Variants in OSBPL10 observed in about 807,000 individuals in gnomAD.
The protein encoded by OSBPL10 is oxysterol binding protein like 10.
A neutral mutation model predicts 81.7 loss-of-function variants in OSBPL10; 49 were observed. The observed-to-expected ratio is 0.60, with a 90% confidence interval of 0.48 to 0.76. OSBPL10 has a LOEUF of 0.76. OSBPL10 is among the 30% of genes least tolerant of loss of function. OSBPL10 has a pLI of 0.00. For missense variants in OSBPL10, 923 were observed against 987.8 expected (o/e 0.93, Z 0.88); for synonymous variants, 419 against 383.6 (o/e 1.09, Z -1.08).
intron 3 of OSBPL10, among the ~76,000 whole-genome samples, chr3:31,869,621 G>A (rs1177955674): frequency 6.6e-6 from 1 of 152,126 alleles, no homozygotes; most frequent in African/African-American, 2.4e-5. Context: ...CAAGGGGATG[G>A]GGGTGAACCT....
At chr3:31,960,360 T>A (rs1368062400) in intron 1 of OSBPL10, 1 of 152,174 alleles carries the variant, frequency 6.6e-6, no homozygotes, top group Non-Finnish European at 1.5e-5. Context: ...AGTAATACAA[T>A]GTGAAATGAA....
At chr3:32,038,292 A>G (rs188687699) in intron 2 of OSBPL10, among the ~76,000 whole-genome samples, 8 of 152,350 alleles carry the variant, frequency 5.3e-5, no homozygotes, top group Admixed American at 2.0e-4. Context: ...ACAGGATTCC[A>G]TTTATAATGA....
At chr3:31,685,615 C>A (rs550917051) in intron 7 of OSBPL10, among the ~76,000 whole-genome samples, 1 of 152,340 alleles carries the variant, frequency 6.6e-6, no homozygotes, top group East Asian at 1.9e-4. Context: ...GCAGGGAACA[C>A]ACCGGGTTCC....
chr3:32,022,838 A>G (rs886098697), intron 2 of OSBPL10, among the ~76,000 whole-genome samples: 3 of 152,154 alleles, frequency 2.0e-5, no homozygotes, highest in Non-Finnish European at 4.4e-5. Context: ...ATTTGGGATC[A>G]GCAGAAAAGA....
intron 4 of OSBPL10, among the ~76,000 whole-genome samples, chr3:31,773,936 G>A (rs1182400841): frequency 6.6e-6 from 1 of 152,132 alleles, no homozygotes; most frequent in Non-Finnish European, 1.5e-5. Context: ...GGCCGAGGTG[G>A]GTGGATCACG....
intron 5 of OSBPL10, among the ~76,000 whole-genome samples, chr3:31,745,828 ATTACCCACACACAATC>A (rs1417801484): frequency 6.6e-6 from 1 of 152,232 alleles, no homozygotes. Context: ...AGAAAACCAA[ATTACCCACACACAATC>A]TACTCTGAAA....
At chr3:31,788,663 A>C (rs1698923461) in intron 4 of OSBPL10, among the ~76,000 whole-genome samples, 1 of 152,180 alleles carries the variant, frequency 6.6e-6, no homozygotes, top group Non-Finnish European at 1.5e-5. Context: ...CTGTAGTTCC[A>C]GCTACTTAGG....
chr3:31,911,056 C>T (rs1018778738), intron 1 of OSBPL10, among the ~76,000 whole-genome samples: 5 of 152,096 alleles, frequency 3.3e-5, no homozygotes, highest in African/African-American at 9.7e-5. Context: ...ATATTAAATG[C>T]GACACCCACA....
intron 1 of OSBPL10, among the ~76,000 whole-genome samples, chr3:31,891,030 G>A (rs772899579): frequency 6.6e-6 from 1 of 151,980 alleles, no homozygotes; most frequent in African/African-American, 2.4e-5. Flanking sequence ...CTGTCCTGTG[G>A]AGGCCAGGAG....
chr3:31,692,008 A>G (rs1156352861), intron 7 of OSBPL10, among the ~76,000 whole-genome samples: 2 of 152,166 alleles, frequency 1.3e-5, no homozygotes, highest in African/African-American at 2.4e-5. Context: ...CACCCATTTC[A>G]TGGTGCCTGA....
In OSBPL10 at chr3:31,663,199, G is replaced by A. The variant is rs190856235; in HGVS notation, c.2250+880C>T. 8.2e-5 allele frequency: 81 copies of A among 985,338 alleles called. No homozygotes were observed. The African/African-American group carries it at 1.3e-3, about 15-fold the overall frequency. The allele number at this position is 985,338 out of a possible 1,614,324, so 61.0% of individuals were successfully genotyped here. A position where few individuals can be genotyped will look rare whatever the true frequency, so the allele number is the denominator to read the frequency against. ...TAAGGAAAGCCCACAGATACATTTT[G>A]ATTGCCTACTGGTATTTAAATTTTT... On this transcript the variant is annotated intron_variant, in intron 11 of 11. Transcript: ENST00000396556.
chr3:32,071,150 A>G (rs1172680882), intron 1 of OSBPL10, among the ~76,000 whole-genome samples: 5 of 152,060 alleles, frequency 3.3e-5, no homozygotes, highest in Admixed American at 3.3e-4. Context: ...CAAAGCTCAA[A>G]TTTCTTCTCT....
chr3:31,946,414 A>C (rs1697705334), intron 1 of OSBPL10, among the ~76,000 whole-genome samples: 1 of 151,980 alleles, frequency 6.6e-6, no homozygotes, highest in Non-Finnish European at 1.5e-5. Context: ...AAAAAAAAAA[A>C]AAACCCTTGT....
chr3:31,674,650 C>G (rs1385034607), intron 8 of OSBPL10, among the ~76,000 whole-genome samples: 1 of 152,066 alleles, frequency 6.6e-6, no homozygotes, highest in African/African-American at 2.4e-5. Context: ...CGACACCTCC[C>G]CCACCTTGCT....
chr3:32,000,572 A>C (rs1699135134), intron 2 of OSBPL10, among the ~76,000 whole-genome samples: 1 of 152,204 alleles, frequency 6.6e-6, no homozygotes, highest in African/African-American at 2.4e-5. Context: ...ACACTCTAAA[A>C]GCATTTCTAT....
intron 4 of OSBPL10, among the ~76,000 whole-genome samples, chr3:31,813,030 T>C (rs1317350278): frequency 3.9e-5 from 6 of 152,168 alleles, no homozygotes; most frequent in Non-Finnish European, 8.8e-5. Context: ...GTGTTTTACA[T>C]CGAAATCTCT....
intron 2 of OSBPL10, among the ~76,000 whole-genome samples, chr3:31,993,989 T>C (rs1167834838): frequency 6.6e-6 from 1 of 152,138 alleles, no homozygotes; most frequent in Non-Finnish European, 1.5e-5. Flanking sequence ...AACTGGGGAA[T>C]GAATTAAAAA....
In OSBPL10 at chr3:31,910,141, C is replaced by T. The variant is rs546568440; in HGVS notation, c.282-30311G>A. On this transcript the variant is annotated intron_variant, in intron 1 of 11. Coordinates refer to ENST00000396556, the MANE Select transcript of OSBPL10 (RefSeq NM_017784.5). ...GGACTGCAGGAACACGCCACCATGCCCAACTAATTTTGTATTTTTAGTAGA... is the reference window on the plus strand; with the variant it reads ...GGACTGCAGGAACACGCCACCATGCTCAACTAATTTTGTATTTTTAGTAGA... Among the ~76,000 whole-genome samples, 7 of 152,048 alleles carry T rather than the reference C, an allele frequency of 4.6e-5. No individual in the cohort carries two copies. In the South Asian group the frequency reaches 1.0e-3, roughly 23 times the overall value.
chr3:31,693,093 T>C (rs941397684), intron 7 of OSBPL10, among the ~76,000 whole-genome samples: 6 of 152,158 alleles, frequency 3.9e-5, no homozygotes, highest in Non-Finnish European at 7.3e-5. Flanking sequence ...GACAGTATAC[T>C]GAAAACCAGA....
Sources: allele counts gnomAD v4.1 joint callset (sites outside exome capture counted in the v4.1 genomes callset), GRCh38; gene constraint gnomAD v4.1.1; transcripts MANE v1.5; gene names NCBI Gene and HGNC (gene_info 2026-07-23, HGNC 2026-07-21).